Variants in POFUT3 observed in about 807,000 individuals in gnomAD.
The protein encoded by POFUT3 is protein O-fucosyltransferase 3.
At chr8:33,325,517 T>C in the POFUT3 span, among the ~76,000 whole-genome samples, 1 of 152,214 alleles carries the variant, frequency 6.6e-6, no homozygotes, top group Non-Finnish European at 1.5e-5. Context: ...GTTTCTCAGC[T>C]CACTGAAATG....
At chr8:33,379,901 CTA>C in the POFUT3 span, among the ~76,000 whole-genome samples, 2 of 116,958 alleles carry the variant, frequency 1.7e-5, no homozygotes, top group South Asian at 2.4e-4. Context: ...TACATATACA[CTA>C]TATATATGCT....
At chr8:33,407,902 G>A in the POFUT3 span, among the ~76,000 whole-genome samples, 8 of 149,550 alleles carry the variant, frequency 5.3e-5, no homozygotes, top group South Asian at 2.1e-4. Context: ...ACTCGGGATC[G>A]GCCTGAACCT....
chr8:33,380,019 A>AC, the POFUT3 span, among the ~76,000 whole-genome samples: 1 of 86,218 alleles, frequency 1.2e-5, no homozygotes, highest in Non-Finnish European at 2.0e-5. Flanking sequence ...TATATAGTAT[A>AC]TATATATACT....
the POFUT3 span, chr8:33,473,028 C>T: frequency 6.6e-6 from 1 of 152,336 alleles, no homozygotes; most frequent in African/African-American, 2.4e-5. Flanking sequence ...ACCAAGAGAC[C>T]ACAGAGGCCA....
chr8:33,424,867 G>A, the POFUT3 span, among the ~76,000 whole-genome samples: 2 of 152,168 alleles, frequency 1.3e-5, no homozygotes, highest in Admixed American at 6.6e-5. Context: ...TTTCAGGAAC[G>A]CACAGCACTT....
the POFUT3 span, among the ~76,000 whole-genome samples, chr8:33,384,493 C>T: frequency 1.3e-5 from 2 of 152,142 alleles, no homozygotes; most frequent in South Asian, 2.1e-4. Flanking sequence ...GTCCCCCATA[C>T]CTCTGCCTAC....
At chr8:33,402,175 T>C in the POFUT3 span, among the ~76,000 whole-genome samples, 1 of 152,242 alleles carries the variant, frequency 6.6e-6, no homozygotes, top group Non-Finnish European at 1.5e-5. Context: ...CCCAGACCCT[T>C]GGCTGGAGGG....
chr8:33,403,718 T>A, the POFUT3 span, among the ~76,000 whole-genome samples: 1 of 152,132 alleles, frequency 6.6e-6, no homozygotes, highest in South Asian at 2.1e-4. Context: ...TGAGAGCCTG[T>A]CTTTTAAAAA....
At chr8:33,350,818 T>C in the POFUT3 span, among the ~76,000 whole-genome samples, 2 of 152,118 alleles carry the variant, frequency 1.3e-5, no homozygotes, top group Non-Finnish European at 2.9e-5. Context: ...AGGGGAGTAT[T>C]GACTGCAAAG....
At chr8:33,365,719 C>A in the POFUT3 span, among the ~76,000 whole-genome samples, 1 of 152,166 alleles carries the variant, frequency 6.6e-6, no homozygotes, top group Non-Finnish European at 1.5e-5. Flanking sequence ...CCATCTCATG[C>A]CAGTTAGAAT....
the POFUT3 span, among the ~76,000 whole-genome samples, chr8:33,379,982 A>ATATATATATACTATATATATAC: frequency 1.2e-5 from 1 of 84,776 alleles, no homozygotes; most frequent in African/African-American, 5.9e-5. Flanking sequence ...TATACACTCT[A>ATATATATATACTATATATATAC]TATATATAGT....
chr8:33,319,241 A>ATTTATATATTTTATATAACATG, the POFUT3 span, among the ~76,000 whole-genome samples: 2 of 52,672 alleles, frequency 3.8e-5, no homozygotes, highest in African/African-American at 1.4e-4. Flanking sequence ...TACATAATAT[A>ATTTATATATTTTATATAACATG]TAAATATATT....
the POFUT3 span, among the ~76,000 whole-genome samples, chr8:33,412,426 T>C: frequency 6.6e-6 from 1 of 152,176 alleles, no homozygotes; most frequent in Non-Finnish European, 1.5e-5. Context: ...AGATCTAAAA[T>C]GACTGGGCTC....
the POFUT3 span, among the ~76,000 whole-genome samples, chr8:33,379,910 T>C: frequency 3.4e-5 from 4 of 118,496 alleles, no homozygotes; most frequent in African/African-American, 7.2e-5. Flanking sequence ...ACTATATATA[T>C]GCTATATATA....
chr8:33,455,526 C>T, the POFUT3 span, among the ~76,000 whole-genome samples: 2 of 151,694 alleles, frequency 1.3e-5, no homozygotes, highest in African/African-American at 4.9e-5. Flanking sequence ...TCCATCTCAA[C>T]AAAAAAACAA....
At chr8:33,471,115 A>C in the POFUT3 span, among the ~76,000 whole-genome samples, 3 of 152,202 alleles carry the variant, frequency 2.0e-5, no homozygotes, top group Non-Finnish European at 4.4e-5. Flanking sequence ...ATGTTCAAAA[A>C]CCCATGTTCA....
the POFUT3 span, chr8:33,370,920 T>G: frequency 6.6e-6 from 1 of 152,180 alleles, no homozygotes; most frequent in Non-Finnish European, 1.5e-5. Context: ...GAGAGAGAAA[T>G]TCCCTTTCAT....
the POFUT3 span, among the ~76,000 whole-genome samples, chr8:33,468,009 G>A: frequency 2.6e-5 from 4 of 152,172 alleles, no homozygotes; most frequent in Non-Finnish European, 5.9e-5. Flanking sequence ...GGAGGCCAAG[G>A]TGGGCGGATC....
chr8:33,381,000 G>A, the POFUT3 span, among the ~76,000 whole-genome samples: 1 of 151,824 alleles, frequency 6.6e-6, no homozygotes, highest in East Asian at 2.0e-4. Flanking sequence ...AACCAGGCAT[G>A]GTGACATGCA....
Sources: gnomAD v4.1 joint callset for allele counts (sites outside exome capture counted in the v4.1 genomes callset) on GRCh38, gnomAD v4.1.1 for gene constraint, MANE v1.5 for transcripts, NCBI Gene and HGNC (gene_info 2026-07-23, HGNC 2026-07-21) for gene names.